The following SLA2 variants were observed in gnomAD, a reference collection of about 807,000 sequenced individuals.
The protein encoded by SLA2 is Src like adaptor 2.
A neutral mutation model predicts 27.3 loss-of-function variants in SLA2; 22 were observed. The observed-to-expected ratio is 0.81, with a 90% CI of 0.58 to 1.15. SLA2 has a LOEUF of 1.15. SLA2 is among the 50% of genes most tolerant of loss of function. SLA2 has a pLI of 0.00. For synonymous variants in SLA2, 131 were observed against 137.8 expected (o/e 0.95, Z 0.34); for missense variants, 304 against 322.2 (o/e 0.94, Z 0.43).
At position 36,627,985 on chromosome 20, in the gene SLA2, C is replaced by T. The variant is rs76402820; in HGVS notation, c.382+4610G>A. The stretch of plus-strand genomic sequence containing the variant: ...GTCAATGGCTAATTCCCATTATATA[C>T]GACAAGAGCATAATGTAAAGTACAT... On this transcript the variant is annotated intron_variant, in intron 5 of 7. Coordinates refer to ENST00000262866, the MANE Select transcript of SLA2 (RefSeq NM_032214.4). Among the ~76,000 whole-genome samples the T allele has an allele frequency of 1.3e-4, 20 of 152,262 alleles. No individual in the cohort carries two copies. In the East Asian group the frequency reaches 2.9e-3, roughly 22 times the overall value.
intron 7 of SLA2, 98 bp from the exon 8 acceptor site, chr20:36,614,084 G>T: frequency 6.5e-7 from 1 of 1,539,396 alleles, no homozygotes; most frequent in East Asian, 2.3e-5. Context: ...CTTCACTCCT[G>T]CTGAGGACCT....
intron 2 of SLA2, among the ~76,000 whole-genome samples, chr20:36,640,797 G>A (rs952047963): frequency 1.3e-5 from 2 of 152,166 alleles, no homozygotes; most frequent in East Asian, 1.9e-4. Flanking sequence ...GATTACAGGC[G>A]TGAGCCACCG....
Position 36,613,706 on chromosome 20 carries a change from T to G in SLA2, c.*160A>C, listed in dbSNP as rs1336896575. On this transcript the variant is annotated 3_prime_UTR_variant, in exon 8 of 8. Transcript: ENST00000262866. ...AAGGAAGTAGGTGACTTCTAAGGGCTAAGAGAGGAAAGAGCAAGGGTACAG... is the reference window on the plus strand; with the variant it reads ...AAGGAAGTAGGTGACTTCTAAGGGCGAAGAGAGGAAAGAGCAAGGGTACAG... 3.6e-6 allele frequency: 3 copies of G among 842,700 alleles called. No individual in the cohort carries two copies. The East Asian group carries it at 8.0e-5, about 22-fold the overall frequency. The allele number at this position is 842,700 out of a possible 1,614,324, so 52.2% of individuals were successfully genotyped here.
intron 2 of SLA2, among the ~76,000 whole-genome samples, 196 bp from the exon 3 acceptor site, chr20:36,634,785 C>CAG (rs113633781): frequency 0.051 from 7,512 of 147,094 alleles, 654 homozygotes; most frequent in African/African-American, 0.18. Context: ...TGACAGTGCC[C>CAG]AGAGAGAGAG....
In SLA2 at chr20:36,639,188, G is replaced by A. The variant is rs528295861; in HGVS notation, c.91+2057C>T. On this transcript the variant is annotated intron_variant, in intron 2 of 7. Transcript: ENST00000262866. The stretch of plus-strand genomic sequence containing the variant: ...AGTAGAACGAGTAATGCAGATAACC[G>A]TCCATAATGTGGGTGGGCCTCGTGC... Among the ~76,000 whole-genome samples, 24 of 152,280 alleles carry A rather than the reference G, an allele frequency of 1.6e-4. No homozygotes were observed. The South Asian group carries it at 4.1e-3, about 26-fold the overall frequency.
chr20:36,644,333 C>T (rs1978285983), intron 1 of SLA2, among the ~76,000 whole-genome samples: 1 of 152,116 alleles, frequency 6.6e-6, no homozygotes, highest in Non-Finnish European at 1.5e-5. Flanking sequence ...GCTGTGTGGC[C>T]TCAGGCAAAG....
chr20:36,613,771 C>G lies in SLA2; in HGVS notation c.*95G>C. 1.2e-6 allele frequency: 1 copy of G among 802,454 alleles called. No homozygotes were observed. The highest frequency in any genetic ancestry group is 1.6e-5 in the South Asian group (1 of 62,288). The allele number at this position is 802,454 out of a possible 1,614,324, so 49.7% of individuals were successfully genotyped here. On this transcript the variant is annotated 3_prime_UTR_variant, in exon 8 of 8. Coordinates refer to ENST00000262866, the MANE Select transcript of SLA2 (RefSeq NM_032214.4). Reference sequence around the variant, plus strand: ...GCACCTCTGTGTCCCACCCTCCCTCCCTGAGTGCACAGCCTTGCCTCTGGG... The same window carrying G: ...GCACCTCTGTGTCCCACCCTCCCTCGCTGAGTGCACAGCCTTGCCTCTGGG...
intron 5 of SLA2, among the ~76,000 whole-genome samples, chr20:36,624,477 G>C (rs573594141): frequency 6.6e-6 from 1 of 152,188 alleles, no homozygotes; most frequent in South Asian, 2.1e-4. Context: ...TTTGTTTACT[G>C]TCCACCTTGC....
chr20:36,616,621 C>T (rs1276400096), intron 5 of SLA2, among the ~76,000 whole-genome samples: 1 of 152,142 alleles, frequency 6.6e-6, no homozygotes, highest in African/African-American at 2.4e-5. Context: ...GCATGAGCCA[C>T]CGCGCCCAGC....
At chr20:36,615,914 T>G (rs1229194509) in intron 5 of SLA2, among the ~76,000 whole-genome samples, 1 of 152,208 alleles carries the variant, frequency 6.6e-6, no homozygotes, top group Admixed American at 6.5e-5. Flanking sequence ...AACAGCCCGT[T>G]TGTGCTCAAG....
intron 5 of SLA2, chr20:36,621,189 A>G (rs2039278575): frequency 4.2e-6 from 2 of 477,006 alleles, no homozygotes; most frequent in Non-Finnish European, 8.2e-6. Context: ...AAGGTGGTGG[A>G]TATGGTGGCG....
At chr20:36,641,434 A>G (rs966466479) in intron 1 of SLA2, 56 bp from the exon 2 acceptor site, 13 of 1,013,530 alleles carry the variant, frequency 1.3e-5, no homozygotes, top group Non-Finnish European at 2.0e-5. Context: ...AATCTCAGAT[A>G]CCTCTCCCTC....
At chr20:36,636,543 T>G (rs1309844442) in intron 2 of SLA2, among the ~76,000 whole-genome samples, 24 of 144,720 alleles carry the variant, frequency 1.7e-4, no homozygotes, top group Non-Finnish European at 2.7e-4. Context: ...AGGCGGAGGT[T>G]GCGGTGAGCG....
chr20:36,630,596 C>T (rs1055644191), intron 5 of SLA2, among the ~76,000 whole-genome samples: 20 of 152,184 alleles, frequency 1.3e-4, no homozygotes, highest in African/African-American at 4.8e-5. Flanking sequence ...TTTCCCCAGG[C>T]AAATTATTTC....
At chr20:36,629,932 G>C (rs1253215422) in intron 5 of SLA2, among the ~76,000 whole-genome samples, 5 of 148,668 alleles carry the variant, frequency 3.4e-5, no homozygotes, top group African/African-American at 1.3e-4. Context: ...GTGAGACTCT[G>C]TCTCAAAAAA....
intron 2 of SLA2, 36 bp downstream of exon 2, chr20:36,641,209 G>A: frequency 6.4e-7 from 1 of 1,563,832 alleles, no homozygotes; most frequent in Non-Finnish European, 8.8e-7. Flanking sequence ...AGTACTGTGT[G>A]GGAAGAGCCT....
intron 5 of SLA2, among the ~76,000 whole-genome samples, chr20:36,623,869 G>A (rs187533439): frequency 1.3e-5 from 2 of 152,134 alleles, no homozygotes; most frequent in African/African-American, 2.4e-5. Flanking sequence ...CTGGGAATGC[G>A]CTAAATATTT....
chr20:36,629,064 G>A (rs2039367108), intron 5 of SLA2, among the ~76,000 whole-genome samples: 1 of 148,322 alleles, frequency 6.7e-6, no homozygotes, highest in Non-Finnish European at 1.5e-5. Context: ...TAATTATGAG[G>A]ATTTTTTTTT....
At chr20:36,628,970 A>G (rs1328555542) in intron 5 of SLA2, among the ~76,000 whole-genome samples, 1 of 151,656 alleles carries the variant, frequency 6.6e-6, no homozygotes, top group African/African-American at 2.4e-5. Context: ...AACATTTTTC[A>G]TCTTCCTCTT....
Sources: gnomAD v4.1 joint callset for allele counts (sites outside exome capture counted in the v4.1 genomes callset) on GRCh38, gnomAD v4.1.1 for gene constraint, MANE v1.5 for transcripts, NCBI Gene and HGNC (gene_info 2026-07-23, HGNC 2026-07-21) for gene names.